Variants in RSPO3 observed in about 807,000 individuals in gnomAD.
RSPO3 encodes the protein R-spondin 3.
In RSPO3, 17 loss-of-function variants were observed where a neutral mutation model predicts 36.5. That is an observed-to-expected ratio of 0.47 (90% CI 0.32 to 0.70). RSPO3 has a LOEUF of 0.70. Ranked by LOEUF, RSPO3 falls within the 30% of genes least tolerant of loss-of-function variation. The pLI is 0.04. For missense variants in RSPO3, 294 were observed against 322.5 expected (o/e 0.91, Z 0.68); for synonymous variants, 108 against 107.0 (o/e 1.01, Z -0.06).
At chr6:127,133,357 G>A (rs1375899312) in intron 1 of RSPO3, among the ~76,000 whole-genome samples, 1 of 151,920 alleles carries the variant, frequency 6.6e-6, no homozygotes, top group Non-Finnish European at 1.5e-5. Flanking sequence ...TACCTTCTTA[G>A]AATCTAGATT....
intron 1 of RSPO3, among the ~76,000 whole-genome samples, chr6:127,137,121 G>A (rs184972333): frequency 8.6e-4 from 131 of 152,282 alleles, no homozygotes; most frequent in African/African-American, 2.6e-3. Flanking sequence ...GGCTGGGCAC[G>A]GTGACTCATG....
At chr6:127,146,263 A>G (rs759950046) in intron 1 of RSPO3, among the ~76,000 whole-genome samples, 10 of 151,692 alleles carry the variant, frequency 6.6e-5, no homozygotes, top group Admixed American at 1.3e-4. Flanking sequence ...TCAAAAATCA[A>G]ATTTTTAAAA....
chr6:127,187,682 T>C (rs186130781), intron 4 of RSPO3, among the ~76,000 whole-genome samples: 184 of 152,248 alleles, frequency 1.2e-3, no homozygotes, highest in African/African-American at 3.8e-3. Flanking sequence ...CCTAAGGTGA[T>C]AGATAGGATT....
chr6:127,183,516 A>T lies in RSPO3; in HGVS notation c.635-12307A>T, dbSNP rs192014420. Reference sequence around the variant, plus strand: ...GCCCGCATATGAGAGAGTAACACCAAAGCATCTCTGTCTATGCCTGTCCTT... The same window carrying T: ...GCCCGCATATGAGAGAGTAACACCATAGCATCTCTGTCTATGCCTGTCCTT... On this transcript the variant is annotated intron_variant, in intron 4 of 4. Coordinates refer to ENST00000356698, the MANE Select transcript of RSPO3 (RefSeq NM_032784.5). Among the ~76,000 whole-genome samples the T allele has an allele frequency of 1.8e-3, 273 of 152,102 alleles. 1 individual carries two copies. The highest frequency in any genetic ancestry group is 3.3e-3 in the Non-Finnish European group (227 of 67,940).
intron 4 of RSPO3, among the ~76,000 whole-genome samples, chr6:127,189,931 A>G (rs1321862030): frequency 6.6e-6 from 1 of 152,164 alleles, no homozygotes; most frequent in African/African-American, 2.4e-5. Flanking sequence ...TATTTGTTGT[A>G]AATTCCTAGG....
intron 3 of RSPO3, among the ~76,000 whole-genome samples, chr6:127,151,858 A>T (rs1774497648): frequency 6.6e-6 from 1 of 152,050 alleles, no homozygotes; most frequent in Admixed American, 6.6e-5. Context: ...ATAGGTCCTG[A>T]GGGCTGATGA....
Position 127,197,799 on chromosome 6 carries a change from G to T in RSPO3, c.*1792G>T. ...TTCTTATTCTGGTGTTTCTTTCCTT[G>T]TCCCTATGAGATAAGTGTCTCAACT... On this transcript the variant is annotated 3_prime_UTR_variant, in exon 5 of 5. Transcript: ENST00000356698. The T allele has an allele frequency of 3.2e-6, 1 of 316,162 alleles. No homozygotes were observed. The highest frequency in any genetic ancestry group is 7.1e-5 in the South Asian group (1 of 13,990). The allele number at this position is 316,162 out of a possible 1,614,324, so 19.6% of individuals were successfully genotyped here.
At chr6:127,149,515 C>T (rs1361086487) in intron 2 of RSPO3, among the ~76,000 whole-genome samples, 1 of 152,072 alleles carries the variant, frequency 6.6e-6, no homozygotes, top group Non-Finnish European at 1.5e-5. Context: ...CACATCTTTG[C>T]ATAGCTGGCT....
At chr6:127,159,336 G>A (rs1269261084) in intron 4 of RSPO3, among the ~76,000 whole-genome samples, 5 of 152,116 alleles carry the variant, frequency 3.3e-5, no homozygotes, top group Non-Finnish European at 5.9e-5. Context: ...ATTAATCACA[G>A]ATAGTGTATG....
At position 127,151,339 on chromosome 6, in the gene RSPO3, T is replaced by C. The variant is rs190581175; in HGVS notation, c.436+767T>C. 1.1e-4 allele frequency among the ~76,000 whole-genome samples: 17 copies of C among 152,134 alleles called. No homozygotes were observed. In the South Asian group the frequency reaches 1.7e-3, roughly 15 times the overall value. On this transcript the variant is annotated intron_variant, in intron 3 of 4. Transcript: ENST00000356698. ...AACAGATCACTGTCAGGCTGTATTTTCAATCTTTTAAACGTTGTGCAGCTA... is the reference window on the plus strand; with the variant it reads ...AACAGATCACTGTCAGGCTGTATTTCCAATCTTTTAAACGTTGTGCAGCTA...
chr6:127,138,116 T>C (rs942564765), intron 1 of RSPO3, among the ~76,000 whole-genome samples: 6 of 152,160 alleles, frequency 3.9e-5, no homozygotes, highest in Admixed American at 3.3e-4. Flanking sequence ...TCAAAATATT[T>C]GGGAGTGGCA....
At chr6:127,163,617 T>C (rs1227401263) in intron 4 of RSPO3, among the ~76,000 whole-genome samples, 1 of 152,130 alleles carries the variant, frequency 6.6e-6, no homozygotes, top group Non-Finnish European at 1.5e-5. Context: ...TCCTTACCTT[T>C]CATTTAAAAC....
chr6:127,140,210 CTAATGG>C (rs1774243015), intron 1 of RSPO3, among the ~76,000 whole-genome samples: 1 of 152,098 alleles, frequency 6.6e-6, no homozygotes, highest in Non-Finnish European at 1.5e-5. Context: ...ATATGCATTG[CTAATGG>C]TAACAATTTA....
intron 4 of RSPO3, among the ~76,000 whole-genome samples, chr6:127,169,143 T>A (rs1042646728): frequency 6.6e-6 from 1 of 151,928 alleles, no homozygotes; most frequent in African/African-American, 2.4e-5. Context: ...ATGGTTGAAC[T>A]AATTTACCCT....
intron 4 of RSPO3, among the ~76,000 whole-genome samples, chr6:127,190,448 G>C (rs1234468992): frequency 2.0e-5 from 3 of 151,866 alleles, no homozygotes; most frequent in Non-Finnish European, 2.9e-5. Context: ...AAACAAAAAA[G>C]AAAAAAGAAC....
chr6:127,146,886 CT>C (rs1774394902), intron 1 of RSPO3, among the ~76,000 whole-genome samples: 1 of 152,092 alleles, frequency 6.6e-6, no homozygotes, highest in African/African-American at 2.4e-5. Context: ...TTTTTAGGAT[CT>C]TTGCAAGCTT....
intron 1 of RSPO3, among the ~76,000 whole-genome samples, chr6:127,128,420 A>G (rs1181363984): frequency 1.3e-5 from 2 of 151,980 alleles, no homozygotes; most frequent in Non-Finnish European, 2.9e-5. Flanking sequence ...AAATAACACA[A>G]TCTTTGGGGA....
intron 1 of RSPO3, among the ~76,000 whole-genome samples, chr6:127,145,423 A>C (rs772060082): frequency 1.3e-5 from 2 of 152,194 alleles, no homozygotes; most frequent in African/African-American, 2.4e-5. Context: ...TTAAATTTCA[A>C]TCACTGGTGT....
intron 4 of RSPO3, among the ~76,000 whole-genome samples, chr6:127,182,343 T>C (rs964499535): frequency 6.6e-6 from 1 of 151,944 alleles, no homozygotes; most frequent in Non-Finnish European, 1.5e-5. Context: ...AAGGTATATA[T>C]GAAGTTTACT....
Sources: allele counts gnomAD v4.1 joint callset (sites outside exome capture counted in the v4.1 genomes callset), GRCh38; gene constraint gnomAD v4.1.1; transcripts MANE v1.5; gene names NCBI Gene and HGNC (gene_info 2026-07-23, HGNC 2026-07-21).